Variants in ZNF787 observed in about 807,000 individuals in gnomAD.
ZNF787 encodes zinc finger protein 787, also known as TTF-I-interacting peptide 20.
ZNF787 carries 7 observed loss-of-function variants against 16.9 expected under a neutral mutation model. That is an observed-to-expected ratio of 0.42 (90% CI 0.24 to 0.78). ZNF787 has a LOEUF of 0.78. Among genes scored for constraint, ZNF787 ranks in the 30% least tolerant of loss-of-function variants. The probability of loss-of-function intolerance (pLI) is 0.30; values close to 1 mark genes in which losing one functional copy is unlikely to be tolerated. For synonymous variants in ZNF787, 345 were observed against 270.9 expected, an observed-to-expected ratio of 1.27 and a Z score of -2.69; for missense variants, 551 against 589.3, an observed-to-expected ratio of 0.94 and a Z score of 0.67.
intron 1 of ZNF787, among the ~76,000 whole-genome samples, chr19:56,112,089 T>C (rs1164991635): frequency 6.6e-6 from 1 of 152,088 alleles, no homozygotes; most frequent in African/African-American, 2.4e-5. Flanking sequence ...GGCGGGGGCA[T>C]GGGACCCTCA....
At position 56,087,644 on chromosome 19, in the gene ZNF787, GT is replaced by G. The variant is rs1247442005; in HGVS notation, c.*378del. 6 of 176,666 alleles carry G rather than the reference GT, an allele frequency of 3.4e-5. No homozygotes were observed. Among genetic ancestry groups the G allele is most frequent in the African/African-American group, 1.2e-4 (5 of 42,380 alleles). The allele number at this position is 176,666 out of a possible 1,614,324, so 10.9% of individuals were successfully genotyped here. A position where few individuals can be genotyped will look rare whatever the true frequency, so the allele number is the denominator to read the frequency against. On this transcript the variant is annotated 3_prime_UTR_variant, in exon 3 of 3. Transcript: ENST00000610935. ...TCTCTGGGATCCTCTAAAGGGCCTG[GT>G]TTCTCCATTCCTCGCAGCACCCCCC...
At chr19:56,103,105 G>C (rs1342812262) in intron 2 of ZNF787, 34 bp downstream of exon 2, 1 of 1,608,768 alleles carries the variant, frequency 6.2e-7, no homozygotes, top group Non-Finnish European at 8.5e-7. Context: ...GTGGGAGGCA[G>C]CGGGGTCGGC....
At position 56,087,865 on chromosome 19, in the gene ZNF787, C is replaced by G; in HGVS notation, c.*158G>C. 5 of 1,179,792 alleles carry G rather than the reference C, an allele frequency of 4.2e-6. No homozygotes were observed. Among genetic ancestry groups the G allele is most frequent in the Non-Finnish European group, 5.4e-6 (5 of 933,886 alleles). The allele number at this position is 1,179,792 out of a possible 1,614,324, so 73.1% of individuals were successfully genotyped here. A position where few individuals can be genotyped will look rare whatever the true frequency, so the allele number is the denominator to read the frequency against. On this transcript the variant is annotated 3_prime_UTR_variant, in exon 3 of 3. Transcript: ENST00000610935. ...CGGGCCCTAATACGCCCCAGTGCCC[C>G]CCCACGGACGGCGCAGGGACAGAGG...
At chr19:56,100,785 G>GT (rs1986063420) in intron 2 of ZNF787, among the ~76,000 whole-genome samples, 1 of 143,056 alleles carries the variant, frequency 7.0e-6, no homozygotes, top group Non-Finnish European at 1.5e-5. Flanking sequence ...AGGAATGCAC[G>GT]TAAGCGGGAC....
chr19:56,096,178 G>C (rs978115648), intron 2 of ZNF787, among the ~76,000 whole-genome samples: 2 of 151,642 alleles, frequency 1.3e-5, no homozygotes, highest in African/African-American at 4.8e-5. Context: ...AGGTTAACTT[G>C]AGCTCAGGAA....
chr19:56,107,652 GGGGAGGGGGGCCTAGGGGCAGAAAA>G (rs2029875699), intron 1 of ZNF787, among the ~76,000 whole-genome samples: 1 of 151,952 alleles, frequency 6.6e-6, no homozygotes. Context: ...GGAAGCACAC[GGGGAGGGGGGCCTAGGGGCAGAAAA>G]GGGAGGGGGG....
intron 1 of ZNF787, among the ~76,000 whole-genome samples, chr19:56,120,086 G>A (rs1321835452): frequency 6.6e-6 from 1 of 152,170 alleles, no homozygotes; most frequent in African/African-American, 2.4e-5. Context: ...CTCCATCAGG[G>A]GTCTGGTCAC....
At chr19:56,095,599 C>G (rs919811355) in intron 2 of ZNF787, among the ~76,000 whole-genome samples, 1 of 152,236 alleles carries the variant, frequency 6.6e-6, no homozygotes, top group Admixed American at 6.5e-5. Context: ...CCACTGTCAT[C>G]AGGACCTTCT....
chr19:56,120,873 ACG>A (rs1003773703), intron 1 of ZNF787, among the ~76,000 whole-genome samples: 24 of 70,810 alleles, frequency 3.4e-4, no homozygotes, highest in Non-Finnish European at 4.0e-4. Flanking sequence ...CGCCACGCGC[ACG>A]CGCGCGCCCT....
At chr19:56,093,603 G>T (rs900710265) in intron 2 of ZNF787, among the ~76,000 whole-genome samples, 1 of 152,122 alleles carries the variant, frequency 6.6e-6, no homozygotes, top group Admixed American at 6.6e-5. Flanking sequence ...GTTGTCTGAG[G>T]CTCATTCGCT....
At chr19:56,095,875 C>T (rs1226599710) in intron 2 of ZNF787, among the ~76,000 whole-genome samples, 1 of 152,194 alleles carries the variant, frequency 6.6e-6, no homozygotes, top group Admixed American at 6.5e-5. Context: ...CTGTGGCTCT[C>T]CTCTGCTTCC....
rs575581107 is a variant in ZNF787 at position 56,108,743 on chromosome 19, C to A, written c.-10-5516G>T. Among the ~76,000 whole-genome samples, 5 of 152,232 alleles carry A rather than the reference C, an allele frequency of 3.3e-5. No homozygotes were observed. In the South Asian group the frequency reaches 1.0e-3, roughly 32 times the overall value. On this transcript the variant is annotated intron_variant, in intron 1 of 2. Coordinates refer to ENST00000610935, the MANE Select transcript of ZNF787 (RefSeq NM_001002836.4). Reference sequence around the variant, plus strand: ...CAAATCCCAACACTCAGCCCCTCGCCGGACCTGTCTCAGGAAGAGGTGAGA... The same window carrying A: ...CAAATCCCAACACTCAGCCCCTCGCAGGACCTGTCTCAGGAAGAGGTGAGA...
chr19:56,088,445 T>C lies in ZNF787; in HGVS notation c.727A>G (p.Ile243Val). The change falls in exon 3 of 3, where the codon ATC becomes GTC. Residue 243 changes from isoleucine (I) to valine (V), a missense_variant. Ile to Val is a conservative substitution (Grantham distance 29). Coordinates refer to ENST00000610935, the MANE Select transcript of ZNF787 (RefSeq NM_001002836.4). This position sits in a 1 kb window ranked among gnomAD's most constrained non-coding sequence, Gnocchi z 8.6. ...TCGCCCGGCGCGCCCACCACGATGA[T>C]GCCCTCGCCATCGCCCACGGGGATG... ...IAIPVGDGEG[I>V]IVVGAPGEGA... is the part of the protein sequence containing the mutation. The C allele has an allele frequency of 8.0e-7, 1 of 1,255,200 alleles. No individual in the cohort carries two copies. Among genetic ancestry groups the C allele is most frequent in the Non-Finnish European group, 1.0e-6 (1 of 998,214 alleles). The allele number at this position is 1,255,200 out of a possible 1,614,324, so 77.8% of individuals were successfully genotyped here. A position where few individuals can be genotyped will look rare whatever the true frequency, so the allele number is the denominator to read the frequency against.
intron 1 of ZNF787, among the ~76,000 whole-genome samples, chr19:56,106,134 G>A (rs1400761929): frequency 1.3e-5 from 2 of 150,198 alleles, no homozygotes; most frequent in Admixed American, 6.6e-5. Context: ...TTCCCCCGCC[G>A]CGCCCTGCAG....
chr19:56,101,161 T>TGGCCAGGCCAACCCC (rs1986083130), intron 2 of ZNF787, among the ~76,000 whole-genome samples: 3 of 148,026 alleles, frequency 2.0e-5, no homozygotes, highest in South Asian at 2.1e-4. Context: ...CCACACGCCA[T>TGGCCAGGCCAACCCC]GGCCAGGCCA....
At position 56,118,234 on chromosome 19, in the gene ZNF787, G is replaced by A. The variant is rs2030193068; in HGVS notation, c.-11+2938C>T. Among the ~76,000 whole-genome samples, 5 of 152,278 alleles carry A rather than the reference G, an allele frequency of 3.3e-5. No individual in the cohort carries two copies. The South Asian group carries it at 1.0e-3, about 32-fold the overall frequency. On this transcript the variant is annotated intron_variant, in intron 1 of 2. Transcript: ENST00000610935. ...ATGCTGGGTGAGTGAGGCCTCCTTG[G>A]GGGTTGCATGGATCTCAGCACTCAA...
chr19:56,089,568 C>T (rs759088778), intron 2 of ZNF787, among the ~76,000 whole-genome samples: 26 of 152,172 alleles, frequency 1.7e-4, no homozygotes, highest in Non-Finnish European at 3.1e-4. Context: ...GTTTGGCACC[C>T]TGAAGACGTG....
intron 2 of ZNF787, chr19:56,102,927 C>G (rs1298171355): frequency 1.4e-6 from 1 of 709,050 alleles, no homozygotes; most frequent in Non-Finnish European, 2.6e-6. Context: ...CAAGATCATC[C>G]AGCAGAAAGG....
chr19:56,112,909 G>A (rs1297657740), intron 1 of ZNF787, among the ~76,000 whole-genome samples: 1 of 138,552 alleles, frequency 7.2e-6, no homozygotes, highest in Admixed American at 7.0e-5. Flanking sequence ...AGCACGGAGG[G>A]CTCTGGCCCT....
Sources: gnomAD v4.1 joint callset for allele counts (sites outside exome capture counted in the v4.1 genomes callset) on GRCh38, gnomAD v4.1.1 for gene constraint, Gnocchi (gnomAD v3.1) non-coding constraint, MANE v1.5 for transcripts, NCBI Gene and HGNC (gene_info 2026-07-23, HGNC 2026-07-21) for gene names.